The following NPR3 variants were observed in gnomAD, a reference collection of about 807,000 sequenced individuals.
The protein encoded by NPR3 is atrial natriuretic peptide receptor 3.
A neutral mutation model predicts 54.5 loss-of-function variants in NPR3; 34 were observed. The observed-to-expected ratio is 0.62, with a 90% CI of 0.47 to 0.83. The LOEUF (loss-of-function observed/expected upper bound fraction) is 0.83. Among genes scored for constraint, NPR3 ranks in the 40% least tolerant of loss-of-function variants. The probability of loss-of-function intolerance (pLI) is 0.00; values close to 1 mark genes in which losing one functional copy is unlikely to be tolerated. For missense variants in NPR3, 674 were observed against 720.8 expected (o/e 0.94, Z 0.74); for synonymous variants, 289 against 297.1 (o/e 0.97, Z 0.28).
intron 3 of NPR3, among the ~76,000 whole-genome samples, chr5:32,754,695 G>C (rs560047584): frequency 6.6e-6 from 1 of 152,188 alleles, no homozygotes; most frequent in East Asian, 1.9e-4. Flanking sequence ...ACTGTGGGGA[G>C]GGGGGTGCAG....
intron 1 of NPR3, among the ~76,000 whole-genome samples, chr5:32,722,438 T>C (rs1373961919): frequency 6.6e-6 from 1 of 152,218 alleles, no homozygotes; most frequent in Non-Finnish European, 1.5e-5. Flanking sequence ...CTGGACCTCA[T>C]TGAATTTAAA....
At chr5:32,741,826 A>G (rs538654617) in intron 3 of NPR3, among the ~76,000 whole-genome samples, 40 of 151,852 alleles carry the variant, frequency 2.6e-4, no homozygotes, top group African/African-American at 8.5e-4. Context: ...CCTGGGCTCA[A>G]GGGATCCTCC....
chr5:32,780,942 C>G lies in NPR3; in HGVS notation c.1290+126C>G, dbSNP rs1203101686. 22 of 612,034 alleles carry G rather than the reference C, an allele frequency of 3.6e-5. No individual in the cohort carries two copies. The Admixed American group carries it at 5.6e-4, about 15-fold the overall frequency. The allele number at this position is 612,034 out of a possible 1,614,324, so 37.9% of individuals were successfully genotyped here. On this transcript the variant is annotated intron_variant, in intron 5 of 7. Transcript: ENST00000265074. ...TCCAAATAAAAATGAGTTGAAAAAC[C>G]TCAACTTTTGATTGAGGGTTCAAGG...
intron 1 of NPR3, among the ~76,000 whole-genome samples, chr5:32,717,222 T>C (rs1039143205): frequency 2.0e-5 from 3 of 152,226 alleles, no homozygotes; most frequent in African/African-American, 7.2e-5. Flanking sequence ...ATGATGTATA[T>C]GTGCCACATT....
intron 1 of NPR3, among the ~76,000 whole-genome samples, chr5:32,719,430 C>T (rs1044802647): frequency 6.6e-6 from 1 of 152,096 alleles, no homozygotes; most frequent in African/African-American, 2.4e-5. Flanking sequence ...TTATAGTATT[C>T]TAGGTTGGAA....
chr5:32,742,704 T>A (rs1290627150), intron 3 of NPR3, among the ~76,000 whole-genome samples: 2 of 152,180 alleles, frequency 1.3e-5, no homozygotes, highest in African/African-American at 4.8e-5. Context: ...GCATGATGTT[T>A]GCTGTGGGGT....
intron 2 of NPR3, 115 bp from the exon 3 acceptor site, chr5:32,738,749 C>A: frequency 1.2e-6 from 1 of 837,386 alleles, no homozygotes; most frequent in Non-Finnish European, 1.9e-6. Context: ...TATGACAATA[C>A]TTCTCTTCCT....
intron 3 of NPR3, among the ~76,000 whole-genome samples, chr5:32,754,014 G>C (rs1740708146): frequency 6.6e-6 from 1 of 152,216 alleles, no homozygotes; most frequent in African/African-American, 2.4e-5. Flanking sequence ...CAGCCTTCCA[G>C]CTTGGAAGAA....
chr5:32,728,779 T>C (rs545134193), intron 2 of NPR3, among the ~76,000 whole-genome samples: 80 of 144,304 alleles, frequency 5.5e-4, no homozygotes, highest in African/African-American at 1.9e-3. Context: ...ATTAACGTGC[T>C]TCAGATTCCA....
intron 4 of NPR3, among the ~76,000 whole-genome samples, chr5:32,775,687 T>C (rs937161884): frequency 6.6e-6 from 1 of 152,138 alleles, no homozygotes; most frequent in East Asian, 1.9e-4. Context: ...AACCTCCACC[T>C]CCTGGGTTCA....
At chr5:32,765,120 T>A (rs2112024237) in intron 3 of NPR3, among the ~76,000 whole-genome samples, 1 of 152,316 alleles carries the variant, frequency 6.6e-6, no homozygotes, top group East Asian at 1.9e-4. Context: ...TTAAAAGTAA[T>A]GGTAAGTACC....
chr5:32,755,762 C>A (rs1339533702), intron 3 of NPR3, among the ~76,000 whole-genome samples: 3 of 152,210 alleles, frequency 2.0e-5, no homozygotes, highest in Admixed American at 6.5e-5. Flanking sequence ...TCTCCAAGTT[C>A]TATACCTACA....
chr5:32,785,743 T>A (rs1279376624), intron 7 of NPR3, among the ~76,000 whole-genome samples: 1 of 152,234 alleles, frequency 6.6e-6, no homozygotes, highest in African/African-American at 2.4e-5. Flanking sequence ...CTGATTGTTC[T>A]GCCCCGTGAG....
Position 32,718,275 on chromosome 5 carries a change from A to G in NPR3, c.769+5730A>G, listed in dbSNP as rs145311347. On this transcript the variant is annotated intron_variant, in intron 1 of 7. Transcript: ENST00000265074. ...GTATAGTTTGAAGTCAGGTAGCATG[A>G]TGCCTATAACTTTGTTCTTTATGCT... is the stretch of plus-strand genomic sequence containing the variant. Among the ~76,000 whole-genome samples, 1,389 of 152,318 alleles carry G rather than the reference A, an allele frequency of 9.1e-3. 27 individuals are homozygous for G. Among genetic ancestry groups the G allele is most frequent in the African/African-American group, 0.033 (1,352 of 41,560 alleles).
intron 6 of NPR3, chr5:32,783,302 A>T (rs2112073256): frequency 3.2e-6 from 1 of 309,258 alleles, no homozygotes; most frequent in Non-Finnish European, 5.9e-6. Flanking sequence ...CTTTTAGAGA[A>T]AATCAAAATA....
At chr5:32,752,097 G>C (rs577660422) in intron 3 of NPR3, among the ~76,000 whole-genome samples, 1 of 152,076 alleles carries the variant, frequency 6.6e-6, no homozygotes, top group African/African-American at 2.4e-5. Flanking sequence ...CCAGCTACTC[G>C]GGAGGCTGAG....
At chr5:32,749,639 C>T (rs771643384) in intron 3 of NPR3, among the ~76,000 whole-genome samples, 15 of 152,164 alleles carry the variant, frequency 9.9e-5, no homozygotes, top group Non-Finnish European at 2.2e-4. Flanking sequence ...CTCCAAATTC[C>T]TTCTTGAGGG....
intron 3 of NPR3, among the ~76,000 whole-genome samples, chr5:32,766,106 G>T (rs57776800): frequency 0.13 from 19,071 of 152,216 alleles, 1,457 homozygotes; most frequent in African/African-American, 0.2. Context: ...GATGGCGGGG[G>T]TGCCCATTGG....
At chr5:32,760,987 C>T (rs895250432) in intron 3 of NPR3, among the ~76,000 whole-genome samples, 21 of 151,980 alleles carry the variant, frequency 1.4e-4, no homozygotes, top group African/African-American at 1.9e-4. Context: ...ATTTTAAGTG[C>T]GGTTCTTAGA....
Sources: gnomAD v4.1 joint callset for allele counts (sites outside exome capture counted in the v4.1 genomes callset) on GRCh38, gnomAD v4.1.1 for gene constraint, MANE v1.5 for transcripts, NCBI Gene and HGNC (gene_info 2026-07-23, HGNC 2026-07-21) for gene names.